Variants in PSD3 observed in about 807,000 individuals in gnomAD.
The protein encoded by PSD3 is PH and SEC7 domain-containing protein 3.
In PSD3, 49 loss-of-function variants were observed where a neutral mutation model predicts 105.5. That is an observed-to-expected ratio of 0.46 (90% CI 0.37 to 0.59). The LOEUF (loss-of-function observed/expected upper bound fraction) is 0.59, where lower values mean the gene tolerates loss of function less well. Ranked by LOEUF, PSD3 falls within the 20% of genes least tolerant of loss-of-function variation. The probability of loss-of-function intolerance (pLI) is 0.00; values close to 1 mark genes in which losing one functional copy is unlikely to be tolerated. For missense variants in PSD3, 1,561 were observed against 1,263.8 expected (o/e 1.24, Z -3.57); for synonymous variants, 557 against 457.8 (o/e 1.22, Z -2.77).
intron 2 of PSD3, among the ~76,000 whole-genome samples, chr8:18,878,296 C>T (rs1266930288): frequency 6.6e-6 from 1 of 152,132 alleles, no homozygotes; most frequent in Non-Finnish European, 1.5e-5. Flanking sequence ...ATCCTACAAC[C>T]TTGCTTAACT....
intron 1 of PSD3, among the ~76,000 whole-genome samples, chr8:19,064,499 C>T (rs765674979): frequency 2.0e-5 from 3 of 151,908 alleles, no homozygotes; most frequent in African/African-American, 7.3e-5. Context: ...TTGCCTCAAG[C>T]GTTTATCATT....
intron 1 of PSD3, among the ~76,000 whole-genome samples, chr8:19,035,651 T>A (rs943275581): frequency 4.6e-5 from 7 of 151,090 alleles, no homozygotes; most frequent in Non-Finnish European, 1.0e-4. Context: ...CAAAGTTACG[T>A]TTTTTTTGGC....
intron 4 of PSD3, among the ~76,000 whole-genome samples, chr8:18,857,833 T>C (rs1051870953): frequency 6.6e-6 from 1 of 152,096 alleles, no homozygotes; most frequent in East Asian, 1.9e-4. Context: ...AGGAGTTCAG[T>C]GTGTGTGATT....
chr8:18,746,048 A>G (rs1804988893), intron 9 of PSD3, among the ~76,000 whole-genome samples: 1 of 152,224 alleles, frequency 6.6e-6, no homozygotes, highest in Non-Finnish European at 1.5e-5. Context: ...CTGAAAGCTG[A>G]GCTACAAGTT....
chr8:18,778,410 G>C (rs1315457587), intron 8 of PSD3, among the ~76,000 whole-genome samples: 1 of 152,066 alleles, frequency 6.6e-6, no homozygotes, highest in Non-Finnish European at 1.5e-5. Context: ...GTTATCTGAA[G>C]AAAGGACAAT....
intron 4 of PSD3, among the ~76,000 whole-genome samples, chr8:18,831,878 T>C (rs1217416892): frequency 6.6e-6 from 1 of 151,948 alleles, no homozygotes; most frequent in Non-Finnish European, 1.5e-5. Flanking sequence ...GTGTAATTTA[T>C]AGTAACAGAA....
In PSD3 at chr8:18,618,381, C is replaced by T. The variant is rs190163937; in HGVS notation, c.2410+14232G>A. 1.7e-3 allele frequency among the ~76,000 whole-genome samples: 264 copies of T among 151,468 alleles called. 9 individuals are homozygous for T. The highest frequency in any genetic ancestry group is 2.4e-3 in the Non-Finnish European group (164 of 67,640). On this transcript the variant is annotated intron_variant, in intron 11 of 15. Coordinates refer to ENST00000327040, the MANE Select transcript of PSD3 (RefSeq NM_015310.4). ...ATGTTCTCAGGTCATCCTGAGGCTA[C>T]GTCATGGGCCATGGTCACTTGTATC...
rs571209447 is a variant in PSD3 at position 18,723,782 on chromosome 8, T to C, written c.2172+41667A>G. Among the ~76,000 whole-genome samples the C allele has an allele frequency of 4.6e-5, 7 of 152,336 alleles. No homozygotes were observed. The East Asian group carries it at 1.3e-3, about 29-fold the overall frequency. Reference sequence around the variant, plus strand: ...GCCAAGTACATAAAAATAAATACATTTTAAGAACACATTTTTAATTCTGAC... The same window carrying C: ...GCCAAGTACATAAAAATAAATACATCTTAAGAACACATTTTTAATTCTGAC... On this transcript the variant is annotated intron_variant, in intron 9 of 15. Coordinates refer to ENST00000327040, the MANE Select transcript of PSD3 (RefSeq NM_015310.4).
At position 18,774,918 on chromosome 8, in the gene PSD3, C is replaced by T. The variant is rs777590266; in HGVS notation, c.2083-9380G>A. The T allele has an allele frequency of 8.1e-5, 37 of 456,042 alleles. 1 individual carries two copies. The highest frequency in any genetic ancestry group is 7.0e-5 in the East Asian group (1 of 14,384). The allele number at this position is 456,042 out of a possible 1,614,324, so 28.2% of individuals were successfully genotyped here. ...AGATCCTGAGCCTTAATCTTGGCTA[C>T]GGCTGCAAAAGCCACCACCGCTGCC... is the stretch of plus-strand genomic sequence containing the variant. On this transcript the variant is annotated intron_variant, in intron 8 of 15. Coordinates refer to ENST00000327040, the MANE Select transcript of PSD3 (RefSeq NM_015310.4).
chr8:18,848,581 C>T (rs375574757), intron 4 of PSD3, among the ~76,000 whole-genome samples: 32 of 152,310 alleles, frequency 2.1e-4, no homozygotes, highest in African/African-American at 7.7e-4. Flanking sequence ...AATAAGACTG[C>T]GGCTCAAATC....
chr8:18,572,498 C>A (rs767797381), intron 14 of PSD3, 30 bp downstream of exon 14: 1 of 1,593,402 alleles, frequency 6.3e-7, no homozygotes, highest in East Asian at 2.2e-5. Context: ...GTACTTTTTC[C>A]CAAGGTCAAA....
intron 11 of PSD3, among the ~76,000 whole-genome samples, chr8:18,623,610 C>T (rs1806281261): frequency 1.3e-5 from 2 of 148,822 alleles, no homozygotes; most frequent in South Asian, 4.3e-4. Context: ...TACCACTGTA[C>T]TCCAGCCTGG....
chr8:18,571,445 T>A (rs1281556239), intron 14 of PSD3, among the ~76,000 whole-genome samples: 1 of 152,132 alleles, frequency 6.6e-6, no homozygotes, highest in East Asian at 1.9e-4. Context: ...AGGTACCACA[T>A]TTCCTCCTTC....
At chr8:19,071,994 G>A (rs1829281579) in intron 1 of PSD3, among the ~76,000 whole-genome samples, 1 of 152,050 alleles carries the variant, frequency 6.6e-6, no homozygotes, top group Non-Finnish European at 1.5e-5. Context: ...CCAGGCGTAA[G>A]CCACCATGCC....
chr8:18,535,002 A>G lies in PSD3; in HGVS notation c.*741T>C, dbSNP rs1364135530. On this transcript the variant is annotated 3_prime_UTR_variant, in exon 16 of 16. Transcript: ENST00000327040. The stretch of plus-strand genomic sequence containing the variant: ...TATTGCCCCCATCCTTTAGCAAACA[A>G]AATTAACTGGGTATCAATCTTTCCT... 1 of 152,578 alleles carries G rather than the reference A, an allele frequency of 6.6e-6. No homozygotes were observed. The highest frequency in any genetic ancestry group is 1.5e-5 in the Non-Finnish European group (1 of 68,034). 9.5% of individuals were successfully genotyped at this position (152,578 alleles called of 1,614,324 possible). A position where few individuals can be genotyped will look rare whatever the true frequency, so the allele number is the denominator to read the frequency against.
chr8:18,586,929 A>C (rs1347820943), intron 12 of PSD3, among the ~76,000 whole-genome samples: 1 of 152,068 alleles, frequency 6.6e-6, no homozygotes, highest in African/African-American at 2.4e-5. Context: ...GAGGCCCTTA[A>C]GGATAGACGC....
At chr8:18,830,169 T>C (rs1038051955) in intron 4 of PSD3, among the ~76,000 whole-genome samples, 5 of 152,164 alleles carry the variant, frequency 3.3e-5, no homozygotes, top group African/African-American at 9.7e-5. Context: ...CTTGAACTAC[T>C]GTCCTCAAGT....
chr8:18,938,886 T>A (rs1334650668), intron 1 of PSD3, among the ~76,000 whole-genome samples: 2 of 152,150 alleles, frequency 1.3e-5, no homozygotes, highest in Non-Finnish European at 2.9e-5. Flanking sequence ...CTAGAACTCG[T>A]GGCATTGCGG....
chr8:19,084,446 G>T (rs1461782913), exon 1 of PSD3: 1 of 456,018 alleles, frequency 2.2e-6, no homozygotes, highest in Non-Finnish European at 4.4e-6. Context: ...TGCATCGGGG[G>T]TCCATGCCCC....
Sources: gnomAD v4.1 joint callset for allele counts (sites outside exome capture counted in the v4.1 genomes callset) on GRCh38, gnomAD v4.1.1 for gene constraint, MANE v1.5 for transcripts, NCBI Gene and HGNC (gene_info 2026-07-23, HGNC 2026-07-21) for gene names.